The following DGKK variants were observed in gnomAD, a reference collection of about 807,000 sequenced individuals.
The protein encoded by DGKK is 142 kDa diacylglycerol kinase.
In DGKK, 35 loss-of-function variants were observed where a neutral mutation model predicts 92.2. The observed-to-expected ratio is 0.38, with a 90% CI of 0.29 to 0.50. The LOEUF (loss-of-function observed/expected upper bound fraction) is 0.50. Among genes scored for constraint, DGKK ranks in the 20% least tolerant of loss-of-function variants. The pLI, the probability that DGKK is intolerant of heterozygous loss-of-function variation, is 0.92. For missense variants in DGKK, 910 were observed against 992.2 expected (o/e 0.92, Z 1.11); for synonymous variants, 368 against 360.6 (o/e 1.02, Z -0.23).
At chrX:50,433,054 C>T (rs1039207791) in intron 1 of DGKK, among the ~76,000 whole-genome samples, 12 of 111,673 alleles carry the variant, frequency 1.1e-4, no homozygotes, top group African/African-American at 3.9e-4. Context: ...CTGCTGAGCC[C>T]GCCCAGAACT....
At chrX:50,440,852 T>A (rs111758943) in intron 1 of DGKK, among the ~76,000 whole-genome samples, 2 of 112,157 alleles carry the variant, frequency 1.8e-5, no homozygotes, top group African/African-American at 3.2e-5. Context: ...TACCAACAAA[T>A]CTTTTGGAAA....
intron 20 of DGKK, among the ~76,000 whole-genome samples, chrX:50,379,366 G>A (rs1924355440): frequency 9.3e-6 from 1 of 107,132 alleles, no homozygotes; most frequent in Non-Finnish European, 1.9e-5. Flanking sequence ...TAAAGGATCT[G>A]TCAGACCCGA....
At chrX:50,422,136 C>T (rs1925608174) in intron 3 of DGKK, among the ~76,000 whole-genome samples, 1 of 111,432 alleles carries the variant, frequency 9.0e-6, no homozygotes, top group Admixed American at 9.5e-5. Context: ...AACATATTAG[C>T]AGTCTCTTGA....
At chrX:50,404,234 G>A (rs782311062) in intron 4 of DGKK, 50 bp from the exon 5 acceptor site, 1 of 1,155,851 alleles carries the variant, frequency 8.7e-7, no homozygotes, top group South Asian at 2.0e-5. Flanking sequence ...CACAGAGACG[G>A]ATTAAAGAGG....
intron 17 of DGKK, among the ~76,000 whole-genome samples, chrX:50,383,186 C>G (rs1002196973): frequency 8.9e-6 from 1 of 111,949 alleles, no homozygotes; most frequent in Admixed American, 9.4e-5. Context: ...TTGGCACCAG[C>G]TCATGTAAAC....
intron 8 of DGKK, 90 bp from the exon 9 acceptor site, chrX:50,393,425 C>T: frequency 1.3e-6 from 1 of 752,859 alleles, no homozygotes; most frequent in Non-Finnish European, 1.9e-6. Flanking sequence ...TTTGCAATAA[C>T]TTTTTGAGTA....
rs782796172 is a variant in DGKK at position 50,378,624 on chromosome X, A to G, written c.2930T>C (p.Met977Thr). The change falls in exon 21 of 28, where the codon ATG (methionine) becomes ACG (threonine). Residue 977 changes from methionine to threonine, a missense_variant. By Grantham distance (81) the Met-to-Thr change is moderately conservative. Coordinates refer to ENST00000611977, the MANE Select transcript of DGKK (RefSeq NM_001013742.4). ...EVVAIFGSVQ[M>T]AMSRIINLHH... ...CAGGTTGATGATACGGGACATTGCC[A>G]TCTGCACAGAACCAAAGATTGCCAC... 9.9e-6 allele frequency: 12 copies of G among 1,209,884 alleles called. No individual in the cohort carries two copies. In the South Asian group the frequency reaches 2.0e-4, roughly 20 times the overall value.
intron 18 of DGKK, 95 bp downstream of exon 18, chrX:50,382,401 T>A (rs1331898682): frequency 7.4e-5 from 47 of 638,418 alleles, no homozygotes; most frequent in Middle Eastern, 3.5e-4. Context: ...GTCCCTTTCT[T>A]TCTGTTGCTT....
intron 4 of DGKK, among the ~76,000 whole-genome samples, chrX:50,417,403 T>C (rs1925462155): frequency 9.0e-6 from 1 of 110,765 alleles, no homozygotes; most frequent in Admixed American, 9.6e-5. Context: ...CATCTCCAGA[T>C]GCTCTAAAAT....
chrX:50,408,402 G>A (rs1925213954), intron 4 of DGKK, among the ~76,000 whole-genome samples: 1 of 111,428 alleles, frequency 9.0e-6, no homozygotes, highest in Non-Finnish European at 1.9e-5. Flanking sequence ...TTTTTGAGAC[G>A]GAGTCTCGCA....
At chrX:50,449,209 A>C (rs1195081994) in intron 1 of DGKK, among the ~76,000 whole-genome samples, 1 of 111,700 alleles carries the variant, frequency 9.0e-6, no homozygotes, top group Non-Finnish European at 1.9e-5. Context: ...GGGAGTAGTC[A>C]GAGGGGAGAT....
At chrX:50,438,246 A>G (rs961288678) in intron 1 of DGKK, among the ~76,000 whole-genome samples, 3 of 111,297 alleles carry the variant, frequency 2.7e-5, no homozygotes, top group Non-Finnish European at 5.7e-5. Context: ...CTCCATGCAT[A>G]TAATTAAAAA....
rs782499357 is a variant in DGKK at position 50,470,219 on chromosome X, T to TCGGCTCTGGGGC, written c.448_459dup (p.Ala150_Pro153dup). The TCGGCTCTGGGGC allele has an allele frequency of 2.3e-5, 28 of 1,208,682 alleles. No individual in the cohort carries two copies. Among genetic ancestry groups the TCGGCTCTGGGGC allele is most frequent in the Non-Finnish European group, 3.0e-5 (27 of 894,643 alleles). ...GCCAGCTCTGTCACAGGTTCTGGGG[T>TCGGCTCTGGGGC]CGGCTCTGGGGCCAGCTCTGGGGCA... is the stretch of plus-strand genomic sequence containing the variant. On this transcript the variant is annotated inframe_insertion, in exon 1 of 28. Transcript: ENST00000611977.
chrX:50,379,765 G>A (rs1602268418), intron 19 of DGKK, 31 bp from the exon 20 acceptor site: 1 of 1,107,303 alleles, frequency 9.0e-7, no homozygotes, highest in Non-Finnish European at 1.2e-6. Context: ...TCATTAGCTG[G>A]ATCTTTAGAT....
At chrX:50,379,411 G>A (rs1437736848) in intron 20 of DGKK, among the ~76,000 whole-genome samples, 2 of 110,197 alleles carry the variant, frequency 1.8e-5, no homozygotes, top group African/African-American at 3.3e-5. Context: ...CAACACCTAC[G>A]AGTTGACCTT....
intron 1 of DGKK, among the ~76,000 whole-genome samples, chrX:50,436,256 A>G (rs1926022598): frequency 8.9e-6 from 1 of 112,241 alleles, no homozygotes; most frequent in Non-Finnish European, 1.9e-5. Flanking sequence ...AGTCCTGACT[A>G]TGTGGGAAGG....
intron 18 of DGKK, among the ~76,000 whole-genome samples, chrX:50,381,484 A>T (rs965278280): frequency 1.4e-4 from 16 of 111,929 alleles, no homozygotes; most frequent in Non-Finnish European, 2.6e-4. Flanking sequence ...AATAAAAAAA[A>T]TAAACAAATA....
intron 24 of DGKK, among the ~76,000 whole-genome samples, chrX:50,375,455 A>G (rs1197010949): frequency 9.0e-6 from 1 of 111,336 alleles, no homozygotes; most frequent in African/African-American, 3.3e-5. Context: ...TCTTCTTGCA[A>G]CTCCAGGCCT....
chrX:50,436,718 C>T (rs1284144043), intron 1 of DGKK, among the ~76,000 whole-genome samples: 1 of 110,027 alleles, frequency 9.1e-6, no homozygotes, highest in Non-Finnish European at 1.9e-5. Flanking sequence ...GTAAGTAATG[C>T]TATTGGCCTT....
Sources: allele counts gnomAD v4.1 joint callset (sites outside exome capture counted in the v4.1 genomes callset), GRCh38; gene constraint gnomAD v4.1.1; transcripts MANE v1.5; gene names NCBI Gene and HGNC (gene_info 2026-07-23, HGNC 2026-07-21).